Variants in CNTNAP2 observed in about 807,000 individuals in gnomAD.
The protein encoded by CNTNAP2 is contactin-associated protein-like 2.
CNTNAP2 carries 98 observed loss-of-function variants against 155.2 expected under a neutral mutation model. That is an observed-to-expected ratio of 0.63 (90% CI 0.54 to 0.75). CNTNAP2 has a LOEUF of 0.75. Among genes scored for constraint, CNTNAP2 ranks in the 30% least tolerant of loss-of-function variants. The probability of loss-of-function intolerance (pLI) is 0.00; values close to 1 mark genes in which losing one functional copy is unlikely to be tolerated. For synonymous variants in CNTNAP2, 651 were observed against 631.2 expected, an observed-to-expected ratio of 1.03 and a Z score of -0.47; for missense variants, 1,727 against 1,688.1, an observed-to-expected ratio of 1.02 and a Z score of -0.40.
At chr7:147,962,284 G>A (rs931067017) in intron 14 of CNTNAP2, among the ~76,000 whole-genome samples, 1 of 152,134 alleles carries the variant, frequency 6.6e-6, no homozygotes, top group African/African-American at 2.4e-5. Flanking sequence ...ATTCATACTC[G>A]GATATAGTTA....
At chr7:146,220,082 C>A (rs938815389) in intron 1 of CNTNAP2, among the ~76,000 whole-genome samples, 3 of 152,144 alleles carry the variant, frequency 2.0e-5, no homozygotes, top group African/African-American at 7.2e-5. Context: ...GTGAGCCAAT[C>A]CCAATACATC....
chr7:147,381,540 A>G (rs775340743), intron 9 of CNTNAP2, among the ~76,000 whole-genome samples: 3 of 152,290 alleles, frequency 2.0e-5, no homozygotes, highest in Admixed American at 1.3e-4. Context: ...ATTTATCAAT[A>G]CACAACTAGG....
intron 1 of CNTNAP2, among the ~76,000 whole-genome samples, chr7:146,754,805 A>C (rs1056935041): frequency 6.6e-6 from 1 of 151,822 alleles, no homozygotes; most frequent in Admixed American, 6.6e-5. Context: ...TCTGTTTCTA[A>C]GAAGTGCAGT....
intron 9 of CNTNAP2, among the ~76,000 whole-genome samples, chr7:147,316,061 A>T (rs1346546870): frequency 6.6e-6 from 1 of 152,058 alleles, no homozygotes. Flanking sequence ...TGCTGATATG[A>T]ACATTAATTT....
chr7:146,143,179 G>A (rs559344093), intron 1 of CNTNAP2, among the ~76,000 whole-genome samples: 15 of 152,240 alleles, frequency 9.9e-5, no homozygotes, highest in Admixed American at 9.2e-4. Context: ...CTTCATTGCT[G>A]TTTGACTTTT....
At chr7:148,360,525 CT>C (rs1798599395) in intron 21 of CNTNAP2, among the ~76,000 whole-genome samples, 1 of 152,110 alleles carries the variant, frequency 6.6e-6, no homozygotes, top group Non-Finnish European at 1.5e-5. Flanking sequence ...CGATCAACTT[CT>C]TTGTAAGATT....
intron 18 of CNTNAP2, among the ~76,000 whole-genome samples, chr7:148,210,510 CCA>C (rs1247669593): frequency 6.6e-6 from 1 of 152,206 alleles, no homozygotes. Context: ...CACCCGGCTC[CCA>C]CACAGTCAAG....
intron 1 of CNTNAP2, among the ~76,000 whole-genome samples, chr7:146,575,364 C>G (rs1354369662): frequency 6.6e-6 from 1 of 152,214 alleles, no homozygotes; most frequent in Non-Finnish European, 1.5e-5. Context: ...ATCCACCCGC[C>G]TCAGCCTCCC....
chr7:146,764,933 C>T (rs1480315232), intron 1 of CNTNAP2, among the ~76,000 whole-genome samples: 2 of 152,028 alleles, frequency 1.3e-5, no homozygotes, highest in African/African-American at 4.8e-5. Flanking sequence ...TATATGAAGA[C>T]TTCCTATGGT....
intron 1 of CNTNAP2, among the ~76,000 whole-genome samples, chr7:146,745,984 A>G (rs1801803915): frequency 1.3e-5 from 2 of 152,194 alleles, no homozygotes. Context: ...GCAGTAAGTC[A>G]TTACAATATC....
At chr7:146,366,710 TAA>T (rs1795160859) in intron 1 of CNTNAP2, among the ~76,000 whole-genome samples, 1 of 152,160 alleles carries the variant, frequency 6.6e-6, no homozygotes, top group African/African-American at 2.4e-5. Flanking sequence ...GCAGAGAGAC[TAA>T]AGTCCGAACT....
At chr7:147,143,302 C>A (rs1801638257) in intron 8 of CNTNAP2, among the ~76,000 whole-genome samples, 2 of 152,160 alleles carry the variant, frequency 1.3e-5, no homozygotes, top group Non-Finnish European at 2.9e-5. Flanking sequence ...CATGAACCCC[C>A]AAGTTTTAAA....
At chr7:147,865,993 T>C (rs1799219260) in intron 13 of CNTNAP2, among the ~76,000 whole-genome samples, 1 of 152,210 alleles carries the variant, frequency 6.6e-6, no homozygotes, top group Admixed American at 6.5e-5. Flanking sequence ...CTTGCTTCTC[T>C]AGTTCTTTTA....
At chr7:146,825,851 T>C (rs1803390330) in intron 2 of CNTNAP2, among the ~76,000 whole-genome samples, 1 of 152,156 alleles carries the variant, frequency 6.6e-6, no homozygotes, top group African/African-American at 2.4e-5. Flanking sequence ...TTTTGCATCA[T>C]TGAATGCAAC....
intron 1 of CNTNAP2, among the ~76,000 whole-genome samples, chr7:146,510,971 A>T (rs1797457042): frequency 6.6e-6 from 1 of 152,078 alleles, no homozygotes; most frequent in Admixed American, 6.5e-5. Context: ...ATCTCGGCTC[A>T]CTGCAAGCTC....
chr7:147,960,135 G>A (rs988319975), intron 14 of CNTNAP2, among the ~76,000 whole-genome samples: 1 of 152,120 alleles, frequency 6.6e-6, no homozygotes, highest in African/African-American at 2.4e-5. Context: ...TCAGAGTCAT[G>A]GAGTGGTTAT....
In CNTNAP2 at chr7:146,533,054, A is replaced by T. The variant is rs7456638; in HGVS notation, c.98-241217A>T. ...GAGGCAGAGGTTGCAGTGAGCAGAG[A>T]TCGCACCACTGCACTCCAGCTTAGG... On this transcript the variant is annotated intron_variant, in intron 1 of 23. Coordinates refer to ENST00000361727, the MANE Select transcript of CNTNAP2 (RefSeq NM_014141.6). Among the ~76,000 whole-genome samples, 6 of 147,700 alleles carry T rather than the reference A, an allele frequency of 4.1e-5. No individual in the cohort carries two copies. In the South Asian group the frequency reaches 6.5e-4, roughly 16 times the overall value.
rs151156412 is a variant in CNTNAP2, at chr7:146,961,773, G to A, written c.403-82134G>A. Reference sequence around the variant, plus strand: ...GTATGACACAAGACACAGTCTTGAGGTGCTCATGAGCTATTAGGAAGTTGC... The same window carrying A: ...GTATGACACAAGACACAGTCTTGAGATGCTCATGAGCTATTAGGAAGTTGC... On this transcript the variant is annotated intron_variant, in intron 3 of 23. Coordinates refer to ENST00000361727, the MANE Select transcript of CNTNAP2 (RefSeq NM_014141.6). Among the ~76,000 whole-genome samples, 529 of 152,238 alleles carry A rather than the reference G, an allele frequency of 3.5e-3. 7 individuals are homozygous for A. The highest frequency in any genetic ancestry group is 0.012 in the African/African-American group (482 of 41,542).
intron 3 of CNTNAP2, among the ~76,000 whole-genome samples, chr7:146,958,067 T>C (rs2129229646): frequency 6.6e-6 from 1 of 152,328 alleles, no homozygotes; most frequent in East Asian, 1.9e-4. Flanking sequence ...TCTATTCATT[T>C]GGTTTCTACT....
Sources: allele counts gnomAD v4.1 joint callset (sites outside exome capture counted in the v4.1 genomes callset), GRCh38; gene constraint gnomAD v4.1.1; transcripts MANE v1.5; gene names NCBI Gene and HGNC (gene_info 2026-07-23, HGNC 2026-07-21).